Variants in SIAH3 observed in about 807,000 individuals in gnomAD.
The protein encoded by SIAH3 is seven in absentia homolog 3.
Under a neutral mutation model 12.6 loss-of-function variants are expected in SIAH3, and 9 were observed. The observed-to-expected ratio is 0.72, with a 90% CI of 0.43 to 1.25. The LOEUF (loss-of-function observed/expected upper bound fraction) is 1.25. SIAH3 is among the 50% of genes most tolerant of loss of function. The pLI is 0.00. For synonymous variants in SIAH3, 154 were observed against 151.1 expected (o/e 1.02, Z -0.14); for missense variants, 390 against 365.4 (o/e 1.07, Z -0.55).
At chr13:45,841,740 G>A (rs1198942424) in intron 1 of SIAH3, among the ~76,000 whole-genome samples, 1 of 152,186 alleles carries the variant, frequency 6.6e-6, no homozygotes, top group Admixed American at 6.5e-5. Context: ...CCATCCTGCT[G>A]TTTGAAGGTC....
chr13:45,792,923 C>G (rs773330228), intron 1 of SIAH3, among the ~76,000 whole-genome samples: 4 of 152,168 alleles, frequency 2.6e-5, no homozygotes, highest in Non-Finnish European at 4.4e-5. Flanking sequence ...AAGACTTTTT[C>G]TTCAAGGCGA....
intron 1 of SIAH3, among the ~76,000 whole-genome samples, chr13:45,841,912 C>A (rs905471753): frequency 5.3e-5 from 8 of 152,176 alleles, no homozygotes; most frequent in African/African-American, 1.4e-4. Context: ...GAGAACAAGA[C>A]CCCTCTGGGA....
intron 1 of SIAH3, among the ~76,000 whole-genome samples, chr13:45,795,517 T>A (rs1260162097): frequency 6.6e-6 from 1 of 152,188 alleles, no homozygotes; most frequent in Non-Finnish European, 1.5e-5. Context: ...TCTGACAGCT[T>A]GGCATGGTCA....
At chr13:45,786,015 T>C (rs539431648) in intron 1 of SIAH3, among the ~76,000 whole-genome samples, 2 of 152,370 alleles carry the variant, frequency 1.3e-5, no homozygotes, top group African/African-American at 4.8e-5. Context: ...TTATTTCATT[T>C]AATTTTTCAC....
At chr13:45,784,396 C>CT (rs1555256292) in intron 1 of SIAH3, among the ~76,000 whole-genome samples, 75 of 101,978 alleles carry the variant, frequency 7.4e-4, no homozygotes, top group Middle Eastern at 6.7e-3. Context: ...ACAAAGACAG[C>CT]TGTTTTTTTT....
At chr13:45,818,004 C>T (rs1009377574) in intron 1 of SIAH3, among the ~76,000 whole-genome samples, 2 of 152,172 alleles carry the variant, frequency 1.3e-5, no homozygotes, top group Non-Finnish European at 2.9e-5. Flanking sequence ...TGATGCCTTC[C>T]TACTGCAAGT....
intron 1 of SIAH3, among the ~76,000 whole-genome samples, chr13:45,815,244 G>T (rs888770942): frequency 4.6e-5 from 7 of 151,986 alleles, no homozygotes; most frequent in African/African-American, 1.7e-4. Context: ...TTACTATGAA[G>T]GTGTTGTTTA....
At chr13:45,816,324 T>C (rs1022458533) in intron 1 of SIAH3, among the ~76,000 whole-genome samples, 3 of 152,206 alleles carry the variant, frequency 2.0e-5, no homozygotes, top group African/African-American at 7.2e-5. Context: ...TGCTGGCCTT[T>C]TCATCCTAGG....
chr13:45,820,302 G>T (rs1008044795), intron 1 of SIAH3, among the ~76,000 whole-genome samples: 1 of 152,142 alleles, frequency 6.6e-6, no homozygotes, highest in Admixed American at 6.5e-5. Context: ...AAGCTTTGAC[G>T]AGTGAGCCAG....
intron 1 of SIAH3, among the ~76,000 whole-genome samples, chr13:45,826,773 G>T (rs1489437485): frequency 1.3e-5 from 2 of 152,150 alleles, no homozygotes; most frequent in Admixed American, 1.3e-4. Context: ...CGTGTGAGTT[G>T]TGGGTTCCCT....
intron 1 of SIAH3, among the ~76,000 whole-genome samples, chr13:45,814,769 T>A (rs57801327): frequency 0.044 from 6,614 of 151,028 alleles, 504 homozygotes; most frequent in African/African-American, 0.15. Flanking sequence ...TCTCTTGCCC[T>A]GGCTGGAGTG....
At chr13:45,792,967 TGGC>T (rs60031863) in intron 1 of SIAH3, among the ~76,000 whole-genome samples, 5,780 of 152,316 alleles carry the variant, frequency 0.038, 337 homozygotes, top group African/African-American at 0.13. Context: ...TATCCGTAAT[TGGC>T]AAGTGAAACC....
At chr13:45,821,315 C>T (rs1950655078) in intron 1 of SIAH3, among the ~76,000 whole-genome samples, 1 of 152,252 alleles carries the variant, frequency 6.6e-6, no homozygotes, top group South Asian at 2.1e-4. Flanking sequence ...TTATCCCTCA[C>T]AGCCTAGAAG....
At chr13:45,845,817 G>T (rs1157789903) in intron 1 of SIAH3, among the ~76,000 whole-genome samples, 2 of 152,108 alleles carry the variant, frequency 1.3e-5, no homozygotes, top group African/African-American at 4.8e-5. Context: ...CATAGAAGGG[G>T]TGAGGGAGTG....
At chr13:45,797,853 C>G (rs974892659) in intron 1 of SIAH3, among the ~76,000 whole-genome samples, 1 of 152,224 alleles carries the variant, frequency 6.6e-6, no homozygotes, top group Non-Finnish European at 1.5e-5. Context: ...TTCTTAATAA[C>G]CTCAGACATC....
intron 1 of SIAH3, among the ~76,000 whole-genome samples, chr13:45,811,608 G>GC (rs570384825): frequency 1.4e-4 from 21 of 152,216 alleles, no homozygotes; most frequent in African/African-American, 4.6e-4. Context: ...GACTACAGGG[G>GC]CATGCCACCA....
chr13:45,806,955 T>C lies in SIAH3; in HGVS notation c.136-22898A>G, dbSNP rs138052695. On this transcript the variant is annotated intron_variant, in intron 1 of 1. Coordinates refer to ENST00000400405, the MANE Select transcript of SIAH3 (RefSeq NM_198849.3). ...TGATGGGAAAAAGAAATAAAAGGTATAAAAGTTTGGAAATGAGAGAACCAA... is the reference window on the plus strand; with the variant it reads ...TGATGGGAAAAAGAAATAAAAGGTACAAAAGTTTGGAAATGAGAGAACCAA... 3.1e-4 allele frequency among the ~76,000 whole-genome samples: 47 copies of C among 152,188 alleles called. 1 individual carries two copies. Among genetic ancestry groups the C allele is most frequent in the African/African-American group, 1.1e-3 (47 of 41,544 alleles).
intron 1 of SIAH3, among the ~76,000 whole-genome samples, chr13:45,835,778 C>T (rs1298762687): frequency 6.6e-6 from 1 of 152,152 alleles, no homozygotes; most frequent in Non-Finnish European, 1.5e-5. Flanking sequence ...GAGGGATCTG[C>T]GGGGCTTGGG....
intron 1 of SIAH3, among the ~76,000 whole-genome samples, chr13:45,848,661 T>G (rs1201650716): frequency 6.6e-6 from 1 of 152,204 alleles, no homozygotes; most frequent in Non-Finnish European, 1.5e-5. Flanking sequence ...TGGTTCGAAT[T>G]CTCAGGAAAG....
Sources: gnomAD v4.1 joint callset for allele counts (sites outside exome capture counted in the v4.1 genomes callset) on GRCh38, gnomAD v4.1.1 for gene constraint, MANE v1.5 for transcripts, NCBI Gene and HGNC (gene_info 2026-07-23, HGNC 2026-07-21) for gene names.